COL24A1: variants seen among roughly 807,000 people sequenced by gnomAD.
COL24A1 encodes the protein collagen alpha-1(XXIV) chain.
A neutral mutation model predicts 253.9 loss-of-function variants in COL24A1; 224 were observed. The observed-to-expected ratio is 0.88, with a 90% CI of 0.79 to 0.99. The LOEUF is 0.99. COL24A1 is among the 50% of genes least tolerant of loss of function. The pLI is 0.00. For synonymous variants in COL24A1, 685 were observed against 673.7 expected (o/e 1.02, Z -0.26); for missense variants, 2,131 against 2,068.5 (o/e 1.03, Z -0.59).
At position 85,833,105 on chromosome 1, in the gene COL24A1, A is replaced by G. The variant is rs189010086; in HGVS notation, c.3681+5480T>C. Reference sequence around the variant, plus strand: ...TATTATTTTGAGATACGTCCCATCAATACCTAATTAATGGAGAGTTTTTAG... The same window carrying G: ...TATTATTTTGAGATACGTCCCATCAGTACCTAATTAATGGAGAGTTTTTAG... On this transcript the variant is annotated intron_variant, in intron 43 of 59. Coordinates refer to ENST00000370571, the MANE Select transcript of COL24A1 (RefSeq NM_152890.7). Among the ~76,000 whole-genome samples, 19 of 152,276 alleles carry G rather than the reference A, an allele frequency of 1.2e-4. No homozygotes were observed. In the East Asian group the frequency reaches 3.7e-3, roughly 29 times the overall value.
At chr1:85,910,782 T>C (rs1685289534) in intron 25 of COL24A1, among the ~76,000 whole-genome samples, 1 of 151,858 alleles carries the variant, frequency 6.6e-6, no homozygotes, top group Non-Finnish European at 1.5e-5. Context: ...AGACATGATA[T>C]TAACAGAGAT....
At position 85,964,413 on chromosome 1, in the gene COL24A1, G is replaced by A. The variant is rs113872042; in HGVS notation, c.2517+596C>T. 2.3e-3 allele frequency among the ~76,000 whole-genome samples: 344 copies of A among 152,158 alleles called. 5 individuals carry two copies. The highest frequency in any genetic ancestry group is 7.9e-3 in the African/African-American group (328 of 41,560). ...TTACTTAGACTCACTGTTTACTAGT[G>A]ATTAAAAGATCCAGACTTAGTAATG... On this transcript the variant is annotated intron_variant, in intron 23 of 59. Coordinates refer to ENST00000370571, the MANE Select transcript of COL24A1 (RefSeq NM_152890.7).
intron 5 of COL24A1, among the ~76,000 whole-genome samples, chr1:86,092,867 T>C (rs1703607662): frequency 6.6e-6 from 1 of 151,978 alleles, no homozygotes; most frequent in Non-Finnish European, 1.5e-5. Flanking sequence ...AGTTTCACAG[T>C]GTGGGGATCT....
chr1:86,062,758 A>G (rs1701184187), intron 8 of COL24A1, among the ~76,000 whole-genome samples: 1 of 152,164 alleles, frequency 6.6e-6, no homozygotes, highest in Non-Finnish European at 1.5e-5. Context: ...AACTGATATT[A>G]CATGTGTTAG....
intron 3 of COL24A1, among the ~76,000 whole-genome samples, chr1:86,118,559 C>T (rs1207391083): frequency 1.3e-5 from 2 of 152,086 alleles, no homozygotes; most frequent in Non-Finnish European, 2.9e-5. Flanking sequence ...CATTCACTCA[C>T]TCAATAAATA....
At chr1:85,913,508 C>T (rs1029064920) in intron 24 of COL24A1, among the ~76,000 whole-genome samples, 1 of 152,116 alleles carries the variant, frequency 6.6e-6, no homozygotes, top group Admixed American at 6.5e-5. Flanking sequence ...GACTAAAGGT[C>T]TTAGTTCCAG....
intron 8 of COL24A1, among the ~76,000 whole-genome samples, chr1:86,060,513 C>G (rs1436503774): frequency 6.6e-6 from 1 of 152,056 alleles, no homozygotes; most frequent in Non-Finnish European, 1.5e-5. Context: ...AGAGAAAGAA[C>G]AGACCAAGGA....
Position 86,126,046 on chromosome 1 carries a change from A to G in COL24A1, c.290T>C (p.Ile97Thr). The G allele has an allele frequency of 1.9e-6, 3 of 1,613,538 alleles. No individual in the cohort carries two copies. The highest frequency in any genetic ancestry group is 2.2e-5 in the South Asian group (2 of 91,066). ...CGGCTGCCCCAAGTTGACTGGTAAA[A>G]TTTTCACGAAAGGTGTCTCGATATA... ...DAYIETPFVK[I>T]LPVNLGQPFT... Residue 97 changes from isoleucine to threonine, a missense_variant, in exon 3 of 60, where the codon ATT becomes ACT. Coordinates refer to ENST00000370571, the MANE Select transcript of COL24A1 (RefSeq NM_152890.7).
At chr1:85,736,188 C>T (rs1392601754) in intron 58 of COL24A1, 1 of 398,062 alleles carries the variant, frequency 2.5e-6, no homozygotes, top group South Asian at 1.9e-5. Context: ...TGGTGGATCA[C>T]AGTTTTATTC....
chr1:86,023,911 T>C (rs576213724), intron 14 of COL24A1, among the ~76,000 whole-genome samples: 1 of 152,266 alleles, frequency 6.6e-6, no homozygotes, highest in Admixed American at 6.5e-5. Flanking sequence ...CTCTTTATAA[T>C]GGAAATCCAA....
chr1:85,994,550 A>C (rs55904471), intron 19 of COL24A1, among the ~76,000 whole-genome samples: 60,432 of 151,900 alleles, frequency 0.4, 12,429 homozygotes, highest in East Asian at 0.58. Flanking sequence ...GGTTACACTC[A>C]CAAGATTTTG....
chr1:85,771,872 A>G (rs1002349343), intron 53 of COL24A1, among the ~76,000 whole-genome samples: 1 of 149,690 alleles, frequency 6.7e-6, no homozygotes, highest in Non-Finnish European at 1.5e-5. Context: ...ATATGTATAC[A>G]TGTGCCATGC....
At chr1:86,139,575 G>A (rs181280749) in intron 2 of COL24A1, among the ~76,000 whole-genome samples, 1 of 152,074 alleles carries the variant, frequency 6.6e-6, no homozygotes, top group African/African-American at 2.4e-5. Context: ...CCAATTTTTA[G>A]ATAAAAAGGA....
At chr1:86,008,626 A>C (rs1354516879) in intron 19 of COL24A1, among the ~76,000 whole-genome samples, 2 of 152,188 alleles carry the variant, frequency 1.3e-5, no homozygotes, top group African/African-American at 4.8e-5. Context: ...TTAACATTGT[A>C]CTAGGGGTAT....
chr1:86,027,134 G>A (rs1698106333), intron 14 of COL24A1, among the ~76,000 whole-genome samples: 1 of 152,154 alleles, frequency 6.6e-6, no homozygotes, highest in South Asian at 2.1e-4. Flanking sequence ...AAAGAGTTTG[G>A]AATTGGAACT....
chr1:86,049,095 G>T (rs1028837450), intron 11 of COL24A1, among the ~76,000 whole-genome samples: 4 of 152,198 alleles, frequency 2.6e-5, no homozygotes, highest in African/African-American at 9.6e-5. Flanking sequence ...TTAGTTTGCT[G>T]TAGTACATGA....
At chr1:86,023,639 C>T (rs535837346) in intron 14 of COL24A1, among the ~76,000 whole-genome samples, 42 of 152,182 alleles carry the variant, frequency 2.8e-4, no homozygotes, top group Non-Finnish European at 5.0e-4. Context: ...GACATAATCT[C>T]TAACATCAAG....
chr1:85,805,945 G>A (rs761646647), intron 47 of COL24A1, among the ~76,000 whole-genome samples: 2 of 151,808 alleles, frequency 1.3e-5, no homozygotes, highest in South Asian at 2.1e-4. Context: ...GCGTGGTGGC[G>A]GGCACCTGTA....
At chr1:86,148,703 T>A (rs1652284566) in intron 1 of COL24A1, among the ~76,000 whole-genome samples, 1 of 152,226 alleles carries the variant, frequency 6.6e-6, no homozygotes, top group Admixed American at 6.5e-5. Flanking sequence ...GGCTGCATAG[T>A]ATTCCATGGT....
Sources: allele counts gnomAD v4.1 joint callset (sites outside exome capture counted in the v4.1 genomes callset), GRCh38; gene constraint gnomAD v4.1.1; transcripts MANE v1.5; gene names NCBI Gene and HGNC (gene_info 2026-07-23, HGNC 2026-07-21).